PRB4: variants seen among roughly 807,000 people sequenced by gnomAD.
PRB4 encodes basic salivary proline-rich protein 4.
Under a neutral mutation model 9.1 loss-of-function variants are expected in PRB4, and 14 were observed. The ratio of observed to expected loss-of-function variants is 1.54; its 90% CI spans 1.02 to 2.41. PRB4 has a LOEUF of 2.41. Among genes scored for constraint, PRB4 ranks in the 30% most tolerant of loss-of-function variants. The pLI is 0.00. For synonymous variants in PRB4, 102 were observed against 108.5 expected, an observed-to-expected ratio of 0.94 and a Z score of 0.37; for missense variants, 381 against 299.3, an observed-to-expected ratio of 1.27 and a Z score of -2.02.
rs78434062 is a variant in PRB4 at position 11,308,699 on chromosome 12, T to A, written c.284A>T (p.His95Leu). The A allele has an allele frequency of 6.8e-7, 1 of 1,475,246 alleles. No individual in the cohort carries two copies. Among genetic ancestry groups the A allele is most frequent in the Admixed American group, 2.0e-5 (1 of 49,530 alleles). 91.4% of individuals were successfully genotyped at this position (1,475,246 alleles called of 1,614,324 possible). ...GGNQSQGPPP[H>L]PGKPERPPPQ... ...GGGTGGTCTTTCTGGCTTTCCTGGATGAGGTGGGGGACCTTGGGACTGGTT... is the reference window on the plus strand; with the variant it reads ...GGGTGGTCTTTCTGGCTTTCCTGGAAGAGGTGGGGGACCTTGGGACTGGTT... The change falls in exon 3 of 4, where the codon CAT (histidine) becomes CTT (leucine). Residue 95 changes from histidine to leucine, a missense_variant. Physicochemically the swap from His to Leu is moderately conservative, Grantham distance 99 (BLOSUM62 -3). Around this residue, in one of 3 missense-constraint regions of PRB4, gnomAD observed 26 missense variants for 59.1 expected, o/e 0.44. Coordinates refer to ENST00000279575, the MANE Select transcript of PRB4 (RefSeq NM_002723.6).
At chr12:11,309,012 C>A in intron 2 of PRB4, 130 bp from the exon 3 acceptor site, 1 of 1,382,776 alleles carries the variant, frequency 7.2e-7, no homozygotes, top group Non-Finnish European at 1.0e-6. Context: ...CAGTGAAGCC[C>A]TAGAACTCTG....
intron 3 of PRB4, among the ~76,000 whole-genome samples, 195 bp from the exon 4 acceptor site, chr12:11,307,394 A>G (rs548089769): frequency 2.6e-4 from 40 of 152,230 alleles, no homozygotes; most frequent in Non-Finnish European, 4.3e-4. Flanking sequence ...CTGAGAAGCT[A>G]AAACCACCCT....
At position 11,309,356 on chromosome 12, in the gene PRB4, G is replaced by A. The variant is rs768040295; in HGVS notation, c.100+14C>T. Reference sequence around the variant, plus strand: ...AAGGGAGTCAAAACAGATTGAGAATGAATTGGGATTTACCTGATATTAGGA... The same window carrying A: ...AAGGGAGTCAAAACAGATTGAGAATAAATTGGGATTTACCTGATATTAGGA... On this transcript the variant is annotated intron_variant, in intron 2 of 3. Coordinates refer to ENST00000279575, the MANE Select transcript of PRB4 (RefSeq NM_002723.6). 10 of 1,614,008 alleles carry A rather than the reference G, an allele frequency of 6.2e-6. No homozygotes were observed. The highest frequency in any genetic ancestry group is 8.5e-6 in the Non-Finnish European group (10 of 1,179,976).
Position 11,308,414 on chromosome 12 carries a change from T to C in PRB4, c.569A>G (p.Glu190Gly), listed in dbSNP as rs1392757879. The change falls in exon 3 of 4, where the codon GAA (glutamate) becomes GGA (glycine). Residue 190 changes from glutamate to glycine, a missense_variant. Transcript: ENST00000279575. ...PGKPQGPPQQ[E>G]GNKPQGPPPP... is the part of the protein sequence containing the mutation. ...TGGGGGACCTTGAGGCTTGTTGCCT[T>C]CTTGTTGGGGTGGTCCTTGTGGCTT... The C allele has an allele frequency of 6.3e-7, 1 of 1,593,178 alleles. No individual in the cohort carries two copies. The highest frequency in any genetic ancestry group is 1.7e-5 in the Admixed American group (1 of 59,072).
At position 11,308,292 on chromosome 12, in the gene PRB4, G is replaced by A. The variant is rs748042080; in HGVS notation, c.691C>T (p.Pro231Ser). 4 of 1,608,990 alleles carry A rather than the reference G, an allele frequency of 2.5e-6. No homozygotes were observed. The highest frequency in any genetic ancestry group is 1.1e-5 in the South Asian group (1 of 90,222). ...AGKPQGPPPP[P>S]QGGRPPRPAQ... ...GGTCTGGGTGGCCTGCCCCCTTGAG[G>A]AGGTGGAGGTGGCCCCTGGGGCTTT... The change falls in exon 3 of 4, where the codon CCT becomes TCT. Residue 231 changes from proline to serine, a missense_variant. Transcript: ENST00000279575.
In PRB4 at chr12:11,309,358, A is replaced by T; in HGVS notation, c.100+12T>A. The T allele has an allele frequency of 6.2e-7, 1 of 1,614,152 alleles. No individual in the cohort carries two copies. The highest frequency in any genetic ancestry group is 8.5e-7 in the Non-Finnish European group (1 of 1,179,976). ...GGGAGTCAAAACAGATTGAGAATGA[A>T]TTGGGATTTACCTGATATTAGGAAG... On this transcript the variant is annotated intron_variant, in intron 2 of 3. Coordinates refer to ENST00000279575, the MANE Select transcript of PRB4 (RefSeq NM_002723.6).
intron 1 of PRB4, among the ~76,000 whole-genome samples, chr12:11,310,045 CTGAATCTGCCT>C (rs1174931347): frequency 6.6e-6 from 1 of 152,210 alleles, no homozygotes; most frequent in Non-Finnish European, 1.5e-5. Context: ...CTGGACTTCC[CTGAATCTGCCT>C]TGCACTCTCC....
chr12:11,310,188 G>T, intron 1 of PRB4, 147 bp downstream of exon 1: 1 of 964,472 alleles, frequency 1.0e-6, no homozygotes. Flanking sequence ...CCTTATTGTG[G>T]AATGAGGGCA....
chr12:11,309,257 T>TA (rs1484749794), intron 2 of PRB4, 113 bp downstream of exon 2: 1 of 1,562,434 alleles, frequency 6.4e-7, no homozygotes, highest in African/African-American at 1.4e-5. Flanking sequence ...TTAGGGGCAA[T>TA]AACATTAATC....
Position 11,310,362 on chromosome 12 carries a change from G to T in PRB4, c.37C>A (p.Leu13Met), listed in dbSNP as rs35210609. The T allele has an allele frequency of 1.9e-6, 3 of 1,614,074 alleles. No individual in the cohort carries two copies. The East Asian group carries it at 6.7e-5, about 36-fold the overall frequency. The change falls in exon 1 of 4, where the codon CTG becomes ATG. Residue 13 changes from leucine (L) to methionine (M), a missense_variant. Around this residue, in one of 3 missense-constraint regions of PRB4, gnomAD observed 151 missense variants for 105.8 expected, o/e 1.43. Transcript: ENST00000279575. ...LILLSVALLA[L>M]SSAESSSEDV... ...TCACTTGAACTCTCAGCTGAGCTCA[G>T]GGCCAGCAGGGCCACTGACAGCAGA...
intron 1 of PRB4, among the ~76,000 whole-genome samples, chr12:11,309,798 A>G (rs1863010854): frequency 1.3e-5 from 2 of 152,188 alleles, no homozygotes; most frequent in Admixed American, 1.3e-4. Context: ...TTTCAATACA[A>G]TCTAACCCAT....
In PRB4 at chr12:11,308,867, C is replaced by T. The variant is rs76633815; in HGVS notation, c.116G>A (p.Arg39Gln). The T allele has an allele frequency of 9.8e-6, 15 of 1,536,626 alleles. No homozygotes were observed. The highest frequency in any genetic ancestry group is 5.1e-5 in the East Asian group (2 of 39,140). The change falls in exon 3 of 4, where the codon CGA (arginine) becomes CAA (glutamine). Residue 39 changes from arginine to glutamine, a missense_variant. By Grantham distance (43) the Arg-to-Gln change is conservative. Transcript: ENST00000279575. ...GGGCTGGTTTCCTCCTTGTGGGCGTCGTCCTTCTGGCTTTCCTGGAGGAGG... is the reference window on the plus strand; with the variant it reads ...GGGCTGGTTTCCTCCTTGTGGGCGTTGTCCTTCTGGCTTTCCTGGAGGAGG... The part of the protein sequence containing the change: ...LFLISGKPEG[R>Q]RPQGGNQPQR...
rs1475840881 is a variant in PRB4 at position 11,307,121 on chromosome 12, T to C, written c.*97A>G. 6.5e-6 allele frequency: 1 copy of C among 154,520 alleles called. No individual in the cohort carries two copies. Among genetic ancestry groups the C allele is most frequent in the Non-Finnish European group, 1.5e-5 (1 of 68,046 alleles). The allele number at this position is 154,520 out of a possible 1,614,324, so 9.6% of individuals were successfully genotyped here. ...TTTATTGGTATATTAAAGTTAGAGC[T>C]ATGATGACCTTGTTCCAATGTCACG... is the stretch of plus-strand genomic sequence containing the variant. On this transcript the variant is annotated 3_prime_UTR_variant, in exon 4 of 4. Transcript: ENST00000279575.
rs1402464802 is a variant in PRB4 at position 11,308,450 on chromosome 12, G to C, written c.533C>G (p.Ser178Cys). The change falls in exon 3 of 4, where the codon TCT becomes TGT. Residue 178 changes from serine to cysteine, a missense_variant. Physicochemically the swap from Ser to Cys is moderately radical, Grantham distance 112. Coordinates refer to ENST00000279575, the MANE Select transcript of PRB4 (RefSeq NM_002723.6). ...QEGNKSRSAR[S>C]PPGKPQGPPQ... ...TGGTCCTTGTGGCTTTCCTGGAGGA[G>C]ATCGGGCACTTCGGGACTTGTTTCC... 2.5e-6 allele frequency: 4 copies of C among 1,613,978 alleles called. No individual in the cohort carries two copies. The highest frequency in any genetic ancestry group is 3.4e-6 in the Non-Finnish European group (4 of 1,179,950).
At position 11,308,549 on chromosome 12, in the gene PRB4, G is replaced by T. The variant is rs776600508; in HGVS notation, c.434C>A (p.Pro145His). ...PPPPGKPERP[P>H]PQGGNQSQGP... ...TTGGGACTGGTTACCTCCTTGTGGGGGTGGTCTTTCTGGCTTTCCTGGAGG... is the reference window on the plus strand; with the variant it reads ...TTGGGACTGGTTACCTCCTTGTGGGTGTGGTCTTTCTGGCTTTCCTGGAGG... The change falls in exon 3 of 4, where the codon CCC becomes CAC. Residue 145 changes from proline to histidine, a missense_variant. By Grantham distance (77) the Pro-to-His change is moderately conservative. Around this residue, in one of 3 missense-constraint regions of PRB4, gnomAD observed 204 missense variants for 134.4 expected, o/e 1.52. Transcript: ENST00000279575. 1.3e-6 allele frequency: 2 copies of T among 1,583,296 alleles called. No homozygotes were observed. The highest frequency in any genetic ancestry group is 1.7e-6 in the Non-Finnish European group (2 of 1,157,512).
At chr12:11,307,633 T>C (rs1318827075) in intron 3 of PRB4, among the ~76,000 whole-genome samples, 1 of 152,146 alleles carries the variant, frequency 6.6e-6, no homozygotes, top group Non-Finnish European at 1.5e-5. Flanking sequence ...TATGCACACA[T>C]AAATATTTCA....
chr12:11,307,628 A>G (rs1228363532), intron 3 of PRB4, among the ~76,000 whole-genome samples: 1 of 152,228 alleles, frequency 6.6e-6, no homozygotes, highest in Non-Finnish European at 1.5e-5. Context: ...ATGTCTATGC[A>G]CACATAAATA....
chr12:11,308,424 G>T lies in PRB4; in HGVS notation c.559C>A (p.Pro187Thr), dbSNP rs567304413. 6.2e-6 allele frequency: 10 copies of T among 1,613,842 alleles called. No homozygotes were observed. In the South Asian group the frequency reaches 8.8e-5, roughly 14 times the overall value. Residue 187 changes from proline to threonine, a missense_variant, in exon 3 of 4, where the codon CCC (proline) becomes ACC (threonine). By Grantham distance (38) the Pro-to-Thr change is conservative (BLOSUM62 -1). Around this residue, in one of 3 missense-constraint regions of PRB4, gnomAD observed 204 missense variants for 134.4 expected, o/e 1.52. Coordinates refer to ENST00000279575, the MANE Select transcript of PRB4 (RefSeq NM_002723.6). ...TGAGGCTTGTTGCCTTCTTGTTGGG[G>T]TGGTCCTTGTGGCTTTCCTGGAGGA... ...RSPPGKPQGPPQQEGNKPQGP... is the reference protein window; with the variant it reads ...RSPPGKPQGPTQQEGNKPQGP...
At chr12:11,309,207 G>C (rs1401192406) in intron 2 of PRB4, among the ~76,000 whole-genome samples, 163 bp downstream of exon 2, 3 of 152,120 alleles carry the variant, frequency 2.0e-5, no homozygotes, top group Non-Finnish European at 4.4e-5. Flanking sequence ...GCCTGCTCAT[G>C]GTCCCCAGAA....
Sources: allele counts gnomAD v4.1 joint callset (sites outside exome capture counted in the v4.1 genomes callset), GRCh38; gene constraint gnomAD v4.1.1; regional missense constraint gnomAD v4.1.1; transcripts MANE v1.5; gene names NCBI Gene and HGNC (gene_info 2026-07-23, HGNC 2026-07-21).